Variants in RXRA observed in about 807,000 individuals in gnomAD.
RXRA encodes the protein retinoid X receptor alpha.
In RXRA, 5 loss-of-function variants were observed where a neutral mutation model predicts 44.5. The observed-to-expected ratio is 0.11, with a 90% CI of 0.06 to 0.24. The LOEUF is 0.24. Among genes scored for constraint, RXRA ranks in the 10% least tolerant of loss-of-function variants. The pLI, the probability that RXRA is intolerant of heterozygous loss-of-function variation, is 1.00. For missense variants in RXRA, 412 were observed against 646.5 expected (o/e 0.64, Z 3.93); for synonymous variants, 291 against 271.4 (o/e 1.07, Z -0.71).
At chr9:134,429,036 A>G in intron 6 of RXRA, 72 bp from the exon 7 acceptor site, 2 of 1,583,794 alleles carry the variant, frequency 1.3e-6, no homozygotes, top group Non-Finnish European at 1.7e-6. Context: ...GTAGGGTCCC[A>G]CCAGGGGCTG....
intron 1 of RXRA, among the ~76,000 whole-genome samples, chr9:134,396,589 C>T (rs1029048014): frequency 7.9e-5 from 12 of 152,106 alleles, no homozygotes; most frequent in African/African-American, 2.7e-4. Flanking sequence ...TCAGGACCAG[C>T]TCTCATCTGG....
chr9:134,343,155 C>T lies in RXRA; in HGVS notation c.28+16496C>T, dbSNP rs1830107443. Among the ~76,000 whole-genome samples, 1 of 152,136 alleles carries T rather than the reference C, an allele frequency of 6.6e-6. No homozygotes were observed. The highest frequency in any genetic ancestry group is 2.4e-5 in the African/African-American group (1 of 41,418). The stretch of plus-strand genomic sequence containing the variant: ...TGTCTGCGGCCCACAGTTCAGGGCC[C>T]CACACAGACCTTTTACATGCTGTGT... On this transcript the variant is annotated intron_variant, in intron 1 of 9. Transcript: ENST00000481739. This position sits in a 1 kb window ranked among gnomAD's most constrained non-coding sequence, Gnocchi z 4.1.
At chr9:134,372,312 G>A (rs1036240461) in intron 1 of RXRA, among the ~76,000 whole-genome samples, 1 of 152,102 alleles carries the variant, frequency 6.6e-6, no homozygotes, top group Non-Finnish European at 1.5e-5. Context: ...CAGGGCCTCA[G>A]CTGAGGGCCT....
chr9:134,422,424 G>A, intron 6 of RXRA: 2 of 1,261,030 alleles, frequency 1.6e-6, no homozygotes, highest in Non-Finnish European at 1.0e-6. Context: ...CACTCTCCCT[G>A]GACGCTCCCC....
chr9:134,398,725 T>C (rs1488294295), intron 1 of RXRA, among the ~76,000 whole-genome samples: 1 of 152,178 alleles, frequency 6.6e-6, no homozygotes, highest in Non-Finnish European at 1.5e-5. Flanking sequence ...GCTGAAAGAA[T>C]CCAGGAGTGT....
chr9:134,423,922 G>T, intron 6 of RXRA: 2 of 980,366 alleles, frequency 2.0e-6, no homozygotes, highest in Non-Finnish European at 2.4e-6. Context: ...CTGGCCGCAC[G>T]CAGCTCTTTT....
chr9:134,376,470 C>T (rs1018006102), intron 1 of RXRA, among the ~76,000 whole-genome samples: 2 of 152,216 alleles, frequency 1.3e-5, no homozygotes, highest in South Asian at 2.1e-4. Context: ...CCTACCGTTT[C>T]TTCTCTCTCC....
intron 1 of RXRA, among the ~76,000 whole-genome samples, chr9:134,390,531 C>T (rs760970183): frequency 6.6e-6 from 1 of 152,178 alleles, no homozygotes; most frequent in Non-Finnish European, 1.5e-5. Context: ...TGGTTTGTCT[C>T]GCTCAGAGTG....
At chr9:134,379,066 T>G (rs1830600826) in intron 1 of RXRA, among the ~76,000 whole-genome samples, 1 of 152,184 alleles carries the variant, frequency 6.6e-6, no homozygotes, top group Admixed American at 6.5e-5. Context: ...GCTGGGTCAC[T>G]TGCCTGCCAG....
chr9:134,403,841 G>A (rs569087499), intron 2 of RXRA: 42 of 152,438 alleles, frequency 2.8e-4, no homozygotes, highest in Admixed American at 2.0e-3. Flanking sequence ...CGAGGTCCCC[G>A]GGGTGGGTGT....
Position 134,326,656 on chromosome 9 carries a change from C to G in RXRA, c.25C>G (p.Leu9Val), listed in dbSNP as rs1479682833. 8 of 961,878 alleles carry G rather than the reference C, an allele frequency of 8.3e-6. No individual in the cohort carries two copies. The highest frequency in any genetic ancestry group is 8.6e-6 in the Non-Finnish European group (7 of 812,858). 59.6% of individuals were successfully genotyped at this position (961,878 alleles called of 1,614,324 possible). MDTKHFLP[L>V]DFSTQVNSSL... is the part of the protein sequence containing the mutation. ...CATGGACACCAAACATTTCCTGCCG[C>G]TCGGTGAGTGCTCGCCGGGCCGGGC... The change falls in exon 1 of 10, where the codon CTC becomes GTC. Residue 9 changes from leucine to valine, a missense_variant. Physicochemically the swap from Leu to Val is conservative, Grantham distance 32. This residue lies in a region of RXRA where 156 missense variants were observed against 177.2 expected (regional missense o/e 0.88). Transcript: ENST00000481739.
At chr9:134,401,482 C>T (rs1014829352) in intron 1 of RXRA, 150 bp from the exon 2 acceptor site, 56 of 1,218,534 alleles carry the variant, frequency 4.6e-5, no homozygotes, top group Non-Finnish European at 6.0e-5. Context: ...TGTGAATTTG[C>T]GTCAGAGAGC....
intron 6 of RXRA, chr9:134,422,185 C>T (rs1414707677): frequency 7.8e-7 from 1 of 1,289,486 alleles, no homozygotes; most frequent in African/African-American, 1.5e-5. Flanking sequence ...TCCTGGGACA[C>T]ACTTCCCCCT....
At chr9:134,376,630 C>T (rs1395768202) in intron 1 of RXRA, among the ~76,000 whole-genome samples, 13 of 152,308 alleles carry the variant, frequency 8.5e-5, no homozygotes, top group African/African-American at 2.7e-4. Context: ...AGGGAGCTCT[C>T]AGAGAACCAG....
chr9:134,378,280 G>A (rs1389145284), intron 1 of RXRA, among the ~76,000 whole-genome samples: 3 of 152,256 alleles, frequency 2.0e-5, no homozygotes, highest in African/African-American at 7.2e-5. Context: ...TGTCTGCTGG[G>A]TCAGCGCTGG....
intron 5 of RXRA, 85 bp from the exon 6 acceptor site, chr9:134,421,591 G>T (rs559002163): frequency 2.1e-6 from 3 of 1,419,794 alleles, no homozygotes; most frequent in Non-Finnish European, 1.9e-6. Flanking sequence ...TGGGCCCAGC[G>T]TGTGGCAGGG....
At chr9:134,393,947 G>A (rs1018371596) in intron 1 of RXRA, among the ~76,000 whole-genome samples, 30 of 152,042 alleles carry the variant, frequency 2.0e-4, no homozygotes, top group African/African-American at 7.2e-4. Flanking sequence ...TCCTTCTGCC[G>A]CTGGCCAGTC....
At chr9:134,421,547 G>A in intron 5 of RXRA, 129 bp from the exon 6 acceptor site, 1 of 1,071,644 alleles carries the variant, frequency 9.3e-7, no homozygotes, top group East Asian at 2.4e-5. Context: ...ATTGGGGCCT[G>A]GGCATCTTTG....
chr9:134,369,373 G>C (rs1254035155), intron 1 of RXRA, among the ~76,000 whole-genome samples: 1 of 126,798 alleles, frequency 7.9e-6, no homozygotes, highest in African/African-American at 3.1e-5. Flanking sequence ...GTGTGTGCGG[G>C]GGTTGTGTGT....
Sources: gnomAD v4.1 joint callset for allele counts (sites outside exome capture counted in the v4.1 genomes callset) on GRCh38, gnomAD v4.1.1 for gene constraint, gnomAD v4.1.1 regional missense constraint, Gnocchi (gnomAD v3.1) non-coding constraint, MANE v1.5 for transcripts, NCBI Gene and HGNC (gene_info 2026-07-23, HGNC 2026-07-21) for gene names.